CDH13: variants seen among roughly 807,000 people sequenced by gnomAD.
The protein encoded by CDH13 is cadherin-13.
Under a neutral mutation model 63.8 loss-of-function variants are expected in CDH13, and 24 were observed. That is an observed-to-expected ratio of 0.38 (90% CI 0.27 to 0.53). The LOEUF (loss-of-function observed/expected upper bound fraction) is 0.53. CDH13 is among the 20% of genes least tolerant of loss of function. The pLI, the probability that CDH13 is intolerant of heterozygous loss-of-function variation, is 0.85. For missense variants in CDH13, 1,049 were observed against 903.1 expected (o/e 1.16, Z -2.07); for synonymous variants, 503 against 355.3 (o/e 1.42, Z -4.67).
chr16:82,702,409 G>A (rs971175581), intron 1 of CDH13, among the ~76,000 whole-genome samples: 2 of 152,160 alleles, frequency 1.3e-5, no homozygotes, highest in African/African-American at 4.8e-5. Context: ...TGTGACAGCA[G>A]GGCCCCTGTC....
rs145674687 is a variant in CDH13, at chr16:83,595,147, G to A, written c.961-7307G>A. On this transcript the variant is annotated intron_variant, in intron 7 of 13. Coordinates refer to ENST00000567109, the MANE Select transcript of CDH13 (RefSeq NM_001257.5). ...AATAAAATCAGAGGAGCCAATTTAA[G>A]TTTTCCAGTTTTGACACAGTGCATT... Among the ~76,000 whole-genome samples the A allele has an allele frequency of 2.2e-3, 334 of 152,282 alleles. 3 individuals carry two copies. Among genetic ancestry groups the A allele is most frequent in the Middle Eastern group, 6.8e-3 (2 of 294 alleles).
At chr16:82,690,792 C>G (rs35882102) in intron 1 of CDH13, among the ~76,000 whole-genome samples, 2 of 152,250 alleles carry the variant, frequency 1.3e-5, no homozygotes, top group Admixed American at 1.3e-4. Flanking sequence ...GCTCACACCT[C>G]TGGGAGTCAC....
intron 6 of CDH13, among the ~76,000 whole-genome samples, chr16:83,393,574 C>T (rs7196323): frequency 0.09 from 13,668 of 152,078 alleles, 789 homozygotes; most frequent in South Asian, 0.13. Context: ...CAGTTTTGTG[C>T]GGAGGAGACA....
intron 6 of CDH13, among the ~76,000 whole-genome samples, chr16:83,391,782 C>T (rs1045316368): frequency 4.6e-5 from 7 of 152,294 alleles, no homozygotes; most frequent in Admixed American, 3.9e-4. Context: ...TGGTGAGATT[C>T]TGAACCAAAC....
intron 2 of CDH13, among the ~76,000 whole-genome samples, chr16:82,968,074 G>A (rs932957562): frequency 2.6e-5 from 4 of 152,110 alleles, no homozygotes; most frequent in African/African-American, 9.7e-5. Context: ...CTATTTTAAG[G>A]AAAAGCTCCC....
intron 1 of CDH13, among the ~76,000 whole-genome samples, chr16:82,740,865 T>G (rs2033895776): frequency 6.6e-6 from 1 of 151,758 alleles, no homozygotes; most frequent in African/African-American, 2.4e-5. Flanking sequence ...ATATGGGGAG[T>G]AGTGAAAAAT....
chr16:83,195,102 T>G (rs2038840759), intron 4 of CDH13, among the ~76,000 whole-genome samples: 1 of 152,198 alleles, frequency 6.6e-6, no homozygotes, highest in Non-Finnish European at 1.5e-5. Context: ...GAGAATTATT[T>G]TTTTCAGAGG....
At chr16:83,720,904 G>A (rs1328372042) in intron 10 of CDH13, among the ~76,000 whole-genome samples, 5 of 152,208 alleles carry the variant, frequency 3.3e-5, no homozygotes, top group African/African-American at 1.2e-4. Context: ...AACTGTGCCT[G>A]AAATGGACTG....
At chr16:82,925,132 G>A (rs891702961) in intron 2 of CDH13, among the ~76,000 whole-genome samples, 6 of 152,090 alleles carry the variant, frequency 3.9e-5, no homozygotes, top group Non-Finnish European at 7.3e-5. Flanking sequence ...TGAGGGGAAG[G>A]GCAGAGCCAA....
chr16:83,426,329 A>G (rs919908787), intron 6 of CDH13, among the ~76,000 whole-genome samples: 1 of 152,248 alleles, frequency 6.6e-6, no homozygotes, highest in Middle Eastern at 3.4e-3. Flanking sequence ...GGTTTTCATT[A>G]TTCCAATAAT....
intron 5 of CDH13, among the ~76,000 whole-genome samples, chr16:83,341,414 G>A (rs909239077): frequency 2.0e-5 from 3 of 152,200 alleles, no homozygotes; most frequent in Admixed American, 2.0e-4. Flanking sequence ...GGGAATGTCA[G>A]ATTTTGTTAC....
At chr16:83,776,563 A>C (rs933112568) in intron 11 of CDH13, among the ~76,000 whole-genome samples, 6 of 152,154 alleles carry the variant, frequency 3.9e-5, no homozygotes, top group African/African-American at 1.4e-4. Context: ...GATATATTTA[A>C]ATTTCCACCA....
chr16:82,737,481 TGTGG>T (rs569073632), intron 1 of CDH13, among the ~76,000 whole-genome samples: 292 of 152,348 alleles, frequency 1.9e-3, no homozygotes, highest in African/African-American at 6.8e-3. Context: ...TGCTCCTTAG[TGTGG>T]AAGAGAGGGG....
At position 83,669,138 on chromosome 16, in the gene CDH13, G is replaced by A. The variant is rs142471379; in HGVS notation, c.1102-1652G>A. Among the ~76,000 whole-genome samples, 21 of 152,284 alleles carry A rather than the reference G, an allele frequency of 1.4e-4. 1 individual carries two copies. The East Asian group carries it at 3.9e-3, about 28-fold the overall frequency. On this transcript the variant is annotated intron_variant, in intron 8 of 13. Coordinates refer to ENST00000567109, the MANE Select transcript of CDH13 (RefSeq NM_001257.5). ...AATCTGAATTGATTCCCTGACTGAT[G>A]CCTGATTCTGCCACTTGACTGCTTG...
chr16:82,663,271 C>G (rs899924873), intron 1 of CDH13, among the ~76,000 whole-genome samples: 3 of 152,204 alleles, frequency 2.0e-5, no homozygotes, highest in Non-Finnish European at 4.4e-5. Flanking sequence ...ACCGCAACCT[C>G]TGCCTCCTAG....
At chr16:83,210,544 C>G (rs576161308) in intron 4 of CDH13, among the ~76,000 whole-genome samples, 1 of 152,056 alleles carries the variant, frequency 6.6e-6, no homozygotes, top group African/African-American at 2.4e-5. Flanking sequence ...TATTTAAAAG[C>G]CCACCACGTA....
intron 5 of CDH13, among the ~76,000 whole-genome samples, chr16:83,332,169 TAC>T (rs962473127): frequency 3.3e-5 from 5 of 152,264 alleles, no homozygotes; most frequent in African/African-American, 4.8e-5. Flanking sequence ...CAAATTTTTT[TAC>T]AGTTTTCTGT....
intron 1 of CDH13, among the ~76,000 whole-genome samples, chr16:82,702,993 G>C (rs1029254792): frequency 6.6e-6 from 1 of 152,048 alleles, no homozygotes; most frequent in Non-Finnish European, 1.5e-5. Flanking sequence ...TCCACTGCTG[G>C]AGCTGTGGTC....
At chr16:82,934,282 G>T (rs1292181087) in intron 2 of CDH13, among the ~76,000 whole-genome samples, 1 of 152,176 alleles carries the variant, frequency 6.6e-6, no homozygotes, top group Non-Finnish European at 1.5e-5. Context: ...AGCTGCCAAG[G>T]CTCGAGGCTT....
Sources: allele counts gnomAD v4.1 joint callset (sites outside exome capture counted in the v4.1 genomes callset), GRCh38; gene constraint gnomAD v4.1.1; transcripts MANE v1.5; gene names NCBI Gene and HGNC (gene_info 2026-07-23, HGNC 2026-07-21).